Variants in SULT4A1 observed in about 807,000 individuals in gnomAD.
The protein encoded by SULT4A1 is sulfotransferase 4A1.
SULT4A1 carries 11 observed loss-of-function variants against 35.2 expected under a neutral mutation model. That is an observed-to-expected ratio of 0.31 (90% confidence interval 0.20 to 0.52). The LOEUF is 0.52. SULT4A1 is among the 20% of genes least tolerant of loss of function. The probability of loss-of-function intolerance (pLI) is 0.97; values close to 1 mark genes in which losing one functional copy is unlikely to be tolerated. For synonymous variants in SULT4A1, 152 were observed against 151.8 expected (o/e 1.00, Z -0.01); for missense variants, 271 against 383.7 (o/e 0.71, Z 2.45).
At chr22:43,854,740 G>T (rs544547748) in intron 1 of SULT4A1, among the ~76,000 whole-genome samples, 1 of 152,184 alleles carries the variant, frequency 6.6e-6, no homozygotes, top group Admixed American at 6.5e-5. Flanking sequence ...GCTCCTGGCT[G>T]TGTTCATGTC....
intron 1 of SULT4A1, among the ~76,000 whole-genome samples, chr22:43,861,679 C>A (rs1213730941): frequency 6.6e-6 from 1 of 152,236 alleles, no homozygotes; most frequent in East Asian, 1.9e-4. Context: ...AATGTACAAG[C>A]AAGGCACTCC....
chr22:43,847,204 AAC>A (rs1288109327), intron 1 of SULT4A1, among the ~76,000 whole-genome samples: 1 of 151,878 alleles, frequency 6.6e-6, no homozygotes, highest in Non-Finnish European at 1.5e-5. Flanking sequence ...GGGCACCGAG[AAC>A]ACACACCACG....
chr22:43,854,408 T>C (rs974079180), intron 1 of SULT4A1, among the ~76,000 whole-genome samples: 3 of 152,216 alleles, frequency 2.0e-5, no homozygotes, highest in African/African-American at 7.2e-5. Flanking sequence ...AGCAGGGATC[T>C]AGTCAATCTG....
intron 6 of SULT4A1, chr22:43,826,842 G>A (rs1366499836): frequency 1.0e-6 from 1 of 985,288 alleles, no homozygotes; most frequent in African/African-American, 1.7e-5. Flanking sequence ...ATGAGTCTGG[G>A]CACAGCCCCC....
At chr22:43,833,823 T>A in intron 4 of SULT4A1, 89 bp from the exon 5 acceptor site, 1 of 1,101,400 alleles carries the variant, frequency 9.1e-7, no homozygotes, top group Non-Finnish European at 1.3e-6. Context: ...GCTGCCCTCC[T>A]GCCACCCAGC....
chr22:43,850,922 A>C (rs1341250539), intron 1 of SULT4A1, among the ~76,000 whole-genome samples: 1 of 151,742 alleles, frequency 6.6e-6, no homozygotes, highest in East Asian at 1.9e-4. Flanking sequence ...CCTTTGCCCC[A>C]GTTTACTCAT....
intron 4 of SULT4A1, among the ~76,000 whole-genome samples, chr22:43,837,980 G>A (rs1379134179): frequency 6.6e-6 from 1 of 152,202 alleles, no homozygotes; most frequent in African/African-American, 2.4e-5. Flanking sequence ...TCTCAGTGTA[G>A]ATTTAATTAA....
chr22:43,849,827 G>C (rs1461572354), intron 1 of SULT4A1, among the ~76,000 whole-genome samples: 1 of 152,178 alleles, frequency 6.6e-6, no homozygotes, highest in Non-Finnish European at 1.5e-5. Context: ...ACATGAAAAG[G>C]CAGAGGGGCC....
Position 43,847,137 on chromosome 22 carries a change from G to A in SULT4A1, c.170-5205C>T, listed in dbSNP as rs920882352. Among the ~76,000 whole-genome samples, 14 of 152,032 alleles carry A rather than the reference G, an allele frequency of 9.2e-5. 1 individual carries two copies. The Middle Eastern group carries it at 0.01, about 111-fold the overall frequency. ...CTGGTTGAACACCTCCTGACCTTAC[G>A]TTTTCCAGCTTCCAGGAGAATTCAA... On this transcript the variant is annotated intron_variant, in intron 1 of 6. Transcript: ENST00000330884.
At chr22:43,848,098 C>G (rs1437781301) in intron 1 of SULT4A1, among the ~76,000 whole-genome samples, 2 of 152,090 alleles carry the variant, frequency 1.3e-5, no homozygotes, top group African/African-American at 2.4e-5. Context: ...ACCCAGCGAG[C>G]CTTTTATTCA....
intron 5 of SULT4A1, among the ~76,000 whole-genome samples, chr22:43,830,645 G>A (rs1259564698): frequency 1.3e-5 from 2 of 152,360 alleles, no homozygotes; most frequent in East Asian, 1.9e-4. Flanking sequence ...CTGGCCACAC[G>A]GTTGCAGTCA....
intron 4 of SULT4A1, among the ~76,000 whole-genome samples, chr22:43,836,995 G>C (rs2063382548): frequency 6.6e-6 from 1 of 152,290 alleles, no homozygotes; most frequent in African/African-American, 2.4e-5. Context: ...GCCTCGCAGA[G>C]CTGGTCACCA....
In SULT4A1 at chr22:43,843,052, A is replaced by G. The variant is rs1313840382; in HGVS notation, c.170-1120T>C. Reference sequence around the variant, plus strand: ...TTTCACCTGTTCCTTTTTCTCCCCAAGGCAGGCCATACAAACTGAAAATAT... The same window carrying G: ...TTTCACCTGTTCCTTTTTCTCCCCAGGGCAGGCCATACAAACTGAAAATAT... On this transcript the variant is annotated intron_variant, in intron 1 of 6. Coordinates refer to ENST00000330884, the MANE Select transcript of SULT4A1 (RefSeq NM_014351.4). 2.7e-5 allele frequency among the ~76,000 whole-genome samples: 4 copies of G among 148,586 alleles called. No individual in the cohort carries two copies. In the East Asian group the frequency reaches 7.8e-4, roughly 29 times the overall value.
chr22:43,835,427 G>A (rs763423065), intron 4 of SULT4A1, among the ~76,000 whole-genome samples: 4 of 152,248 alleles, frequency 2.6e-5, no homozygotes, highest in Non-Finnish European at 4.4e-5. Context: ...CCAGCTGGAT[G>A]AGGAGCGCTG....
At chr22:43,846,350 CA>C (rs2063477052) in intron 1 of SULT4A1, among the ~76,000 whole-genome samples, 1 of 152,236 alleles carries the variant, frequency 6.6e-6, no homozygotes, top group Non-Finnish European at 1.5e-5. Context: ...AAAAAGCCTG[CA>C]AATTCTTTTA....
At position 43,859,441 on chromosome 22, in the gene SULT4A1, G is replaced by A. The variant is rs147816477; in HGVS notation, c.169+2773C>T. On this transcript the variant is annotated intron_variant, in intron 1 of 6. Transcript: ENST00000330884. ...GGGTGCTCTGGCTGAGCCAGGGACC[G>A]TATTTCAAAGCCCAAGCTCCATGAC... 1.9e-4 allele frequency among the ~76,000 whole-genome samples: 29 copies of A among 152,366 alleles called. No individual in the cohort carries two copies. The East Asian group carries it at 4.2e-3, about 22-fold the overall frequency.
chr22:43,841,953 C>T (rs774419978), intron 1 of SULT4A1, 21 bp from the exon 2 acceptor site: 21 of 1,609,714 alleles, frequency 1.3e-5, no homozygotes, highest in South Asian at 6.6e-5. Flanking sequence ...GAAGCCCCAG[C>T]GCGGGGTGCT....
intron 1 of SULT4A1, among the ~76,000 whole-genome samples, chr22:43,850,987 C>T (rs981770908): frequency 6.6e-6 from 1 of 152,110 alleles, no homozygotes; most frequent in Non-Finnish European, 1.5e-5. Flanking sequence ...GAGCTCTGAA[C>T]ATTCTGAAAA....
At chr22:43,853,272 C>T (rs1350154295) in intron 1 of SULT4A1, among the ~76,000 whole-genome samples, 1 of 152,244 alleles carries the variant, frequency 6.6e-6, no homozygotes, top group African/African-American at 2.4e-5. Flanking sequence ...TGTGTACTCA[C>T]TTGCGGGCTA....
Sources: allele counts gnomAD v4.1 joint callset (sites outside exome capture counted in the v4.1 genomes callset), GRCh38; gene constraint gnomAD v4.1.1; transcripts MANE v1.5; gene names NCBI Gene and HGNC (gene_info 2026-07-23, HGNC 2026-07-21).